WRN: variants seen among roughly 807,000 people sequenced by gnomAD.
The protein encoded by WRN is WRN RecQ like helicase.
A neutral mutation model predicts 180.7 loss-of-function variants in WRN; 149 were observed. The observed-to-expected ratio is 0.82, with a 90% CI of 0.72 to 0.94. The LOEUF (loss-of-function observed/expected upper bound fraction) is 0.94, where lower values mean the gene tolerates loss of function less well. Among genes scored for constraint, WRN ranks in the 40% least tolerant of loss-of-function variants. The pLI is 0.00. For synonymous variants in WRN, 548 were observed against 568.9 expected (o/e 0.96, Z 0.52); for missense variants, 1,661 against 1,700.1 (o/e 0.98, Z 0.40).
rs1190256514 is a variant in WRN at position 31,064,375 on chromosome 8, T to C, written c.296T>C (p.Leu99Pro). The C allele has an allele frequency of 6.2e-7, 1 of 1,614,180 alleles. No homozygotes were observed. The highest frequency in any genetic ancestry group is 2.2e-5 in the East Asian group (1 of 44,862). Residue 99 changes from leucine to proline, a missense_variant, in exon 4 of 35, where the codon CTA (leucine) becomes CCA (proline). Leu to Pro is a moderately conservative substitution (Grantham distance 98, BLOSUM62 -3). Coordinates refer to ENST00000298139, the MANE Select transcript of WRN (RefSeq NM_000553.6). ...YNRGKLGKVA[L>P]IQLCVSESKC... Reference sequence around the variant, plus strand: ...AGAGGGAAACTTGGCAAAGTTGCACTAATTCAGTTGTGTGTTTCTGAGAGC... The same window carrying C: ...AGAGGGAAACTTGGCAAAGTTGCACCAATTCAGTTGTGTGTTTCTGAGAGC...
intron 5 of WRN, among the ~76,000 whole-genome samples, chr8:31,066,012 G>T (rs1000024327): frequency 6.6e-6 from 1 of 151,424 alleles, no homozygotes; most frequent in Non-Finnish European, 1.5e-5. Flanking sequence ...CTGAGTAGCT[G>T]GGGTTACAGG....
chr8:31,043,997 C>T (rs1811752455), intron 1 of WRN, among the ~76,000 whole-genome samples: 1 of 152,096 alleles, frequency 6.6e-6, no homozygotes, highest in Admixed American at 6.5e-5. Flanking sequence ...GAGGGTCCTC[C>T]TGGATTGTTC....
At chr8:31,064,829 A>G (rs1356331673) in intron 4 of WRN, 86 bp from the exon 5 acceptor site, 1 of 1,452,998 alleles carries the variant, frequency 6.9e-7, no homozygotes, top group South Asian at 1.2e-5. Context: ...ATACAAATTT[A>G]CACATAAACA....
At chr8:31,087,114 G>C (rs1041547133) in intron 11 of WRN, among the ~76,000 whole-genome samples, 1 of 151,796 alleles carries the variant, frequency 6.6e-6, no homozygotes, top group Non-Finnish European at 1.5e-5. Context: ...AAAAGAGAAA[G>C]TAAAAACTGT....
chr8:31,078,467 G>A (rs1813178903), intron 8 of WRN, among the ~76,000 whole-genome samples: 1 of 152,136 alleles, frequency 6.6e-6, no homozygotes, highest in South Asian at 2.1e-4. Context: ...TGACAAGCTT[G>A]GGTACTGAGT....
intron 1 of WRN, among the ~76,000 whole-genome samples, chr8:31,037,287 A>G (rs1811486700): frequency 6.6e-6 from 1 of 152,218 alleles, no homozygotes; most frequent in South Asian, 2.1e-4. Flanking sequence ...ATCTAATGCC[A>G]CCGTTGATGT....
chr8:31,085,161 T>G lies in WRN; in HGVS notation c.1351-5T>G. ...GAAATTAATGCTTAATACTTTTTTT[T>G]AAAGCATTTATCTCCCAATGATAAT... On this transcript the variant is annotated splice_region_variant and splice_polypyrimidine_tract_variant and intron_variant, in intron 10 of 34. Transcript: ENST00000298139. 6.2e-7 allele frequency: 1 copy of G among 1,612,198 alleles called. No individual in the cohort carries two copies. The highest frequency in any genetic ancestry group is 8.5e-7 in the Non-Finnish European group (1 of 1,178,756).
chr8:31,066,803 T>G (rs1585411409), intron 5 of WRN, among the ~76,000 whole-genome samples: 2 of 152,286 alleles, frequency 1.3e-5, no homozygotes, highest in South Asian at 4.1e-4. Context: ...ACAATATTTT[T>G]AAAGTCCAAG....
Position 31,076,212 on chromosome 8 carries a change from C to T in WRN, c.764C>T (p.Thr255Ile). ...CTTAGCGACATGAACAAACAGTTGA[C>T]TTCAATCTCTGAGGAAGTGATGGAT... is the stretch of plus-strand genomic sequence containing the variant. The part of the protein sequence containing the change: ...ILLSDMNKQL[T>I]SISEEVMDLA... The change falls in exon 8 of 35, where the codon ACT (threonine) becomes ATT (isoleucine). Residue 255 changes from threonine to isoleucine, a missense_variant. Physicochemically the swap from Thr to Ile is moderately conservative, Grantham distance 89. Around this residue, in one of 3 missense-constraint regions of WRN, gnomAD observed 500 missense variants for 504.1 expected, o/e 0.99. Coordinates refer to ENST00000298139, the MANE Select transcript of WRN (RefSeq NM_000553.6). 6.2e-7 allele frequency: 1 copy of T among 1,613,850 alleles called. No individual in the cohort carries two copies. Among genetic ancestry groups the T allele is most frequent in the Non-Finnish European group, 8.5e-7 (1 of 1,179,920 alleles).
intron 1 of WRN, among the ~76,000 whole-genome samples, chr8:31,041,456 CAGACACACCCAGAAT>C (rs1172145346): frequency 6.6e-6 from 1 of 152,226 alleles, no homozygotes; most frequent in Non-Finnish European, 1.5e-5. Flanking sequence ...AACATCCTCA[CAGACACACCCAGAAT>C]AATGGTTAGC....
At chr8:31,091,983 C>G (rs1374935052) in intron 16 of WRN, 85 bp downstream of exon 16, 5 of 1,251,196 alleles carry the variant, frequency 4.0e-6, no homozygotes, top group African/African-American at 1.5e-5. Context: ...TTACATGTTG[C>G]TGAGGAAGTT....
rs1270940873 is a variant in WRN, at chr8:31,125,080, A to C, written c.2825+80A>C. 1.5e-5 allele frequency: 20 copies of C among 1,336,648 alleles called. No homozygotes were observed. The East Asian group carries it at 4.6e-4, about 31-fold the overall frequency. The allele number at this position is 1,336,648 out of a possible 1,614,324, so 82.8% of individuals were successfully genotyped here. ...TTCATGTTTAACTGAATTTTTGTTGAATGATAAGTATTTCAGTTTTTTAAA... is the reference window on the plus strand; with the variant it reads ...TTCATGTTTAACTGAATTTTTGTTGCATGATAAGTATTTCAGTTTTTTAAA... On this transcript the variant is annotated intron_variant, in intron 23 of 34. Coordinates refer to ENST00000298139, the MANE Select transcript of WRN (RefSeq NM_000553.6).
chr8:31,136,836 C>CAAATGAATGAAT (rs146117888), intron 24 of WRN, among the ~76,000 whole-genome samples: 6 of 149,442 alleles, frequency 4.0e-5, no homozygotes, highest in Non-Finnish European at 8.9e-5. Context: ...TACCCTGTCT[C>CAAATGAATGAAT]GAATGAATGA....
At chr8:31,089,377 T>C (rs1369946482) in intron 13 of WRN, among the ~76,000 whole-genome samples, 1 of 152,044 alleles carries the variant, frequency 6.6e-6, no homozygotes, top group Non-Finnish European at 1.5e-5. Flanking sequence ...TCTATTTTAA[T>C]GTACTCAAAA....
intron 17 of WRN, among the ~76,000 whole-genome samples, chr8:31,099,216 G>T (rs553580009): frequency 6.5e-4 from 99 of 152,142 alleles, no homozygotes; most frequent in Non-Finnish European, 1.3e-3. Flanking sequence ...GGCGAACATG[G>T]TGAAACCCTG....
At chr8:31,113,227 A>G (rs1168171283) in intron 19 of WRN, among the ~76,000 whole-genome samples, 2 of 150,316 alleles carry the variant, frequency 1.3e-5, no homozygotes, top group Non-Finnish European at 3.0e-5. Flanking sequence ...AAAAGCTTCT[A>G]CCAATACAAA....
chr8:31,110,627 A>C (rs564381817), intron 18 of WRN, among the ~76,000 whole-genome samples: 1 of 152,304 alleles, frequency 6.6e-6, no homozygotes, highest in South Asian at 2.1e-4. Context: ...TTGCACATAC[A>C]TTTCCACTTA....
intron 8 of WRN, among the ~76,000 whole-genome samples, chr8:31,078,220 A>G (rs1813168250): frequency 6.6e-6 from 1 of 152,204 alleles, no homozygotes; most frequent in African/African-American, 2.4e-5. Flanking sequence ...AAAACTTGGA[A>G]ATGGGAAATA....
chr8:31,084,322 A>G (rs767897352), intron 10 of WRN, among the ~76,000 whole-genome samples: 3 of 152,130 alleles, frequency 2.0e-5, no homozygotes, highest in Admixed American at 6.5e-5. Flanking sequence ...TTTGACTGAC[A>G]TCTTTTACAC....
Sources: allele counts gnomAD v4.1 joint callset (sites outside exome capture counted in the v4.1 genomes callset), GRCh38; gene constraint gnomAD v4.1.1; regional missense constraint gnomAD v4.1.1; transcripts MANE v1.5; gene names NCBI Gene and HGNC (gene_info 2026-07-23, HGNC 2026-07-21).